The following NTMT1 variants were observed in gnomAD, a reference collection of about 807,000 sequenced individuals.
NTMT1 encodes N-terminal Xaa-Pro-Lys N-methyltransferase 1.
In NTMT1, 8 loss-of-function variants were observed where a neutral mutation model predicts 17.5. The observed-to-expected ratio is 0.46, with a 90% confidence interval of 0.27 to 0.82. The LOEUF is 0.82. NTMT1 is among the 40% of genes least tolerant of loss of function. The pLI is 0.15. For synonymous variants in NTMT1, 128 were observed against 126.8 expected, an observed-to-expected ratio of 1.01 and a Z score of -0.06; for missense variants, 221 against 303.5, an observed-to-expected ratio of 0.73 and a Z score of 2.02.
At chr9:129,630,390 C>T (rs1311554401) in intron 1 of NTMT1, among the ~76,000 whole-genome samples, 1 of 152,104 alleles carries the variant, frequency 6.6e-6, no homozygotes, top group Non-Finnish European at 1.5e-5. Context: ...GGAGGATCAC[C>T]TGAGCTGTAC....
rs749587769 is a variant in NTMT1 at position 129,632,718 on chromosome 9, G to C, written c.15G>C (p.Val5=). The C allele has an allele frequency of 1.2e-6, 2 of 1,614,110 alleles. No individual in the cohort carries two copies. Among genetic ancestry groups the C allele is most frequent in the South Asian group, 2.2e-5 (2 of 91,062 alleles). The change falls in exon 2 of 4, where the codon GTG becomes GTC. Residue 5 remains valine (V), a synonymous_variant. Coordinates refer to ENST00000372483, the MANE Select transcript of NTMT1 (RefSeq NM_014064.4). The part of the protein sequence containing the change: MTSE[V]IEDEKQFYSK... Reference sequence around the variant, plus strand: ...TTGGTGACAGCATGACGAGCGAGGTGATAGAAGACGAGAAGCAATTCTATT... The same window carrying C: ...TTGGTGACAGCATGACGAGCGAGGTCATAGAAGACGAGAAGCAATTCTATT...
chr9:129,615,412 G>A lies in NTMT1; in HGVS notation c.-55+6234G>A, dbSNP rs1302733726. On this transcript the variant is annotated intron_variant, in intron 1 of 3. Coordinates refer to the NTMT1 transcript ENST00000372486. ...AGCCAGTCCCTCACTCTAGGGGCCC[G>A]GAGCTACAGCCTCTCTGCCCTCCTG... 9.0e-6 allele frequency: 13 copies of A among 1,452,338 alleles called. No individual in the cohort carries two copies. In the East Asian group the frequency reaches 1.0e-4, roughly 11 times the overall value. 90.0% of individuals were successfully genotyped at this position (1,452,338 alleles called of 1,614,324 possible). A position where few individuals can be genotyped will look rare whatever the true frequency, so the allele number is the denominator to read the frequency against.
Position 129,634,233 on chromosome 9 carries a change from C to T in NTMT1, c.342C>T (p.Tyr114=), listed in dbSNP as rs375863485. The stretch of plus-strand genomic sequence containing the variant: ...AGGAGGGCAAGAGGGTGAGGAACTA[C>T]TTCTGTTGTGGGCTCCAGGACTTCA... ...LGEEGKRVRN[Y]FCCGLQDFTP... is the part of the protein sequence containing the mutation. Residue 114 remains tyrosine, a synonymous_variant, in exon 3 of 4, where the codon TAC becomes TAT. Transcript: ENST00000372483. 1.7e-4 allele frequency: 271 copies of T among 1,613,994 alleles called. No individual in the cohort carries two copies. Among genetic ancestry groups the T allele is most frequent in the Non-Finnish European group, 2.1e-4 (252 of 1,180,012 alleles).
chr9:129,612,126 G>A (rs1192652564), intron 1 of NTMT1: 7 of 525,100 alleles, frequency 1.3e-5, no homozygotes. Flanking sequence ...TGAACCCCAG[G>A]GATGCCCTGT....
chr9:129,611,435 C>CT (rs1830113486), intron 1 of NTMT1, among the ~76,000 whole-genome samples: 1 of 152,252 alleles, frequency 6.6e-6, no homozygotes, highest in South Asian at 2.1e-4. Flanking sequence ...CATCCACCCC[C>CT]TCATCCCCAG....
rs944482514 is a variant in NTMT1 at position 129,614,824 on chromosome 9, C to T, written c.-55+5646C>T. Among the ~76,000 whole-genome samples the T allele has an allele frequency of 6.6e-6, 1 of 152,180 alleles. No individual in the cohort carries two copies. Among genetic ancestry groups the T allele is most frequent in the African/African-American group, 2.4e-5 (1 of 41,422 alleles). ...GGCTGAGGCAGGAGAATGGCATGAACCCGGGAGGTGGAGCTTGCAGCGAGC... is the reference window on the plus strand; with the variant it reads ...GGCTGAGGCAGGAGAATGGCATGAATCCGGGAGGTGGAGCTTGCAGCGAGC... On this transcript the variant is annotated intron_variant, in intron 1 of 3. Transcript: ENST00000372486. This position sits in a 1 kb window ranked among gnomAD's most constrained non-coding sequence, Gnocchi z 4.4.
At chr9:129,622,479 C>T (rs376147751), upstream of NTMT1, among the ~76,000 whole-genome samples, 1 of 151,182 alleles carries the variant, frequency 6.6e-6, no homozygotes, top group Admixed American at 6.6e-5. Context: ...GGTGACAAAG[C>T]GAGACTCCAT....
In NTMT1 at chr9:129,620,525, C is replaced by A; in HGVS notation, c.-55+11347C>A. On this transcript the variant is annotated intron_variant, in intron 1 of 3. Transcript: ENST00000372486. This position sits in a 1 kb window ranked among gnomAD's most constrained non-coding sequence, Gnocchi z 5.8. Reference sequence around the variant, plus strand: ...TCGGAAGTCTCCGTCGCCAGGGAGCCCCTTGGGCGCCAGGTCCTGGGCCCC... The same window carrying A: ...TCGGAAGTCTCCGTCGCCAGGGAGCACCTTGGGCGCCAGGTCCTGGGCCCC... The A allele has an allele frequency of 6.9e-7, 1 of 1,445,278 alleles. No homozygotes were observed. Among genetic ancestry groups the A allele is most frequent in the South Asian group, 1.4e-5 (1 of 71,984 alleles). The allele number at this position is 1,445,278 out of a possible 1,614,324, so 89.5% of individuals were successfully genotyped here.
At position 129,626,306 on chromosome 9, in the gene NTMT1, C is replaced by G. The variant is rs1233720378; in HGVS notation, c.-55+11C>G. The stretch of plus-strand genomic sequence containing the variant: ...GAGCCCCCGCCCGGAGTGAGTAGCG[C>G]GAGGCGGTGCGAAGGGTAGGCAGCC... On this transcript the variant is annotated intron_variant, in intron 1 of 3. Coordinates refer to ENST00000372483, the MANE Select transcript of NTMT1 (RefSeq NM_014064.4). 1 of 152,186 alleles carries G rather than the reference C, an allele frequency of 6.6e-6. No individual in the cohort carries two copies. The highest frequency in any genetic ancestry group is 2.4e-5 in the African/African-American group (1 of 41,446). The allele number at this position is 152,186 out of a possible 1,614,324, so 9.4% of individuals were successfully genotyped here.
upstream of NTMT1, among the ~76,000 whole-genome samples, chr9:129,622,961 G>A (rs768387443): frequency 2.6e-5 from 4 of 151,900 alleles, no homozygotes; most frequent in African/African-American, 4.8e-5. Flanking sequence ...CCCGGGAGGC[G>A]GAGGTTGCAG....
intron 3 of NTMT1, chr9:129,635,002 T>A: frequency 3.3e-6 from 2 of 610,160 alleles, no homozygotes; most frequent in East Asian, 5.7e-5. Context: ...TAATGTGTCT[T>A]TAGGTAGATG....
Position 129,620,820 on chromosome 9 carries a change from T to C in NTMT1, c.-55+11642T>C. On this transcript the variant is annotated intron_variant, in intron 1 of 3. Coordinates refer to the NTMT1 transcript ENST00000372486. This position sits in a 1 kb window ranked among gnomAD's most constrained non-coding sequence, Gnocchi z 5.8. The stretch of plus-strand genomic sequence containing the variant: ...CAACTTTGGGGGTTGCTGTGACGTT[T>C]AAATGAGCAAGTACATGCCAGTCTT... The C allele has an allele frequency of 2.6e-6, 1 of 382,258 alleles. No individual in the cohort carries two copies. The allele number at this position is 382,258 out of a possible 1,614,324, so 23.7% of individuals were successfully genotyped here.
chr9:129,618,566 T>C (rs915697900), intron 1 of NTMT1, among the ~76,000 whole-genome samples: 1 of 152,212 alleles, frequency 6.6e-6, no homozygotes, highest in Non-Finnish European at 1.5e-5. Context: ...GCTTTATGAC[T>C]AGATTAGCGA....
Position 129,613,155 on chromosome 9 carries a change from C to A in NTMT1, c.-55+3977C>A. 1 of 1,613,814 alleles carries A rather than the reference C, an allele frequency of 6.2e-7. No homozygotes were observed. Among genetic ancestry groups the A allele is most frequent in the Non-Finnish European group, 8.5e-7 (1 of 1,180,012 alleles). ...CCAAGAAGGCTCGGAGGCTGCTTCG[C>A]GGCCTCTGAGCAGCGGCCTTCTTCC... is the stretch of plus-strand genomic sequence containing the variant. On this transcript the variant is annotated intron_variant, in intron 1 of 3. Transcript: ENST00000372486. This position sits in a 1 kb window ranked among gnomAD's most constrained non-coding sequence, Gnocchi z 6.2.
Position 129,613,361 on chromosome 9 carries a change from G to A in NTMT1, c.-55+4183G>A. Reference sequence around the variant, plus strand: ...TGGCAACCCGCCTGCTGCTGGGTGGGGAGGTCTGTAGGCAAGGGGGGTGGA... The same window carrying A: ...TGGCAACCCGCCTGCTGCTGGGTGGAGAGGTCTGTAGGCAAGGGGGGTGGA... On this transcript the variant is annotated intron_variant, in intron 1 of 3. Transcript: ENST00000372486. The surrounding 1 kb of genome is among the most constrained non-coding windows in gnomAD (Gnocchi z 6.2). 6.3e-7 allele frequency: 1 copy of A among 1,582,838 alleles called. No homozygotes were observed. Among genetic ancestry groups the A allele is most frequent in the Non-Finnish European group, 8.6e-7 (1 of 1,162,008 alleles).
intron 1 of NTMT1, among the ~76,000 whole-genome samples, chr9:129,616,612 G>A (rs1406055844): frequency 6.6e-6 from 1 of 152,124 alleles, no homozygotes; most frequent in Admixed American, 6.5e-5. Flanking sequence ...CCATTCTGCA[G>A]GTTTTTTTCC....
intron 1 of NTMT1, among the ~76,000 whole-genome samples, chr9:129,609,725 C>T (rs988109212): frequency 2.0e-5 from 3 of 152,110 alleles, no homozygotes; most frequent in East Asian, 3.9e-4. Context: ...CTGAATGCCT[C>T]GCTCCCTCTT....
chr9:129,630,068 C>T (rs1831084492), intron 1 of NTMT1, among the ~76,000 whole-genome samples: 1 of 152,214 alleles, frequency 6.6e-6, no homozygotes, highest in African/African-American at 2.4e-5. Flanking sequence ...TATTCTTGAG[C>T]TGGCTGGGCG....
At chr9:129,635,159 G>A (rs201042414) in intron 3 of NTMT1, 49 bp from the exon 4 acceptor site, 82 of 1,575,426 alleles carry the variant, frequency 5.2e-5, no homozygotes, top group East Asian at 2.0e-4. Context: ...ATCCAGTGCC[G>A]ACATCCGCTT....
Sources: allele counts gnomAD v4.1 joint callset (sites outside exome capture counted in the v4.1 genomes callset), GRCh38; gene constraint gnomAD v4.1.1; non-coding constraint Gnocchi (gnomAD v3.1); transcripts MANE v1.5; gene names NCBI Gene and HGNC (gene_info 2026-07-23, HGNC 2026-07-21).